Variants in SLC4A3 observed in about 807,000 individuals in gnomAD.
SLC4A3 encodes anion exchange protein 3.
SLC4A3 carries 47 observed loss-of-function variants against 114.2 expected under a neutral mutation model. The observed-to-expected ratio is 0.41, with a 90% CI of 0.33 to 0.52. SLC4A3 has a LOEUF of 0.52. Ranked by LOEUF, SLC4A3 falls within the 20% of genes least tolerant of loss-of-function variation. The probability of loss-of-function intolerance (pLI) is 0.21; values close to 1 mark genes in which losing one functional copy is unlikely to be tolerated. For synonymous variants in SLC4A3, 693 were observed against 710.3 expected (o/e 0.98, Z 0.39); for missense variants, 1,312 against 1,668.3 (o/e 0.79, Z 3.72).
Position 219,629,223 on chromosome 2 carries a change from C to G in SLC4A3, c.297C>G (p.Pro99=). Residue 99 remains proline (P), a synonymous_variant, in exon 4 of 23, where the codon CCC becomes CCG. Transcript: ENST00000358055. ...LPPPHKLRRL[P]PTSARHTRRK... ...CACCCCACAAGCTGCGGCGGCTGCC[C>G]CCCACCTCTGCCCGGCACACCAGGA... The G allele has an allele frequency of 1.2e-6, 2 of 1,613,470 alleles. No homozygotes were observed. Among genetic ancestry groups the G allele is most frequent in the East Asian group, 2.2e-5 (1 of 44,854 alleles).
Position 219,639,524 on chromosome 2 carries a change from C to T in SLC4A3, c.3066C>T (p.Ser1022=), listed in dbSNP as rs376572581. The T allele has an allele frequency of 1.6e-4, 255 of 1,613,974 alleles. 2 individuals are homozygous for T. The highest frequency in any genetic ancestry group is 1.2e-3 in the South Asian group (112 of 91,074). ...AGGCGCGGAGGCTGCTCAAGGGCTC[C>T]GGTTTCCACCTGGACCTGCTCCTCA... ...SQKARRLLKG[S]GFHLDLLLIG... is the part of the protein sequence containing the mutation. The change falls in exon 20 of 23, where the codon TCC becomes TCT. Residue 1022 remains serine (S), a synonymous_variant. Coordinates refer to ENST00000358055, the MANE Select transcript of SLC4A3 (RefSeq NM_005070.4). The surrounding 1 kb of genome is among the most constrained non-coding windows in gnomAD (Gnocchi z 5.9).
rs768613077 is a variant in SLC4A3 at position 219,632,435 on chromosome 2, C to G, written c.1134C>G (p.Ile378Met). 6.3e-7 allele frequency: 1 copy of G among 1,592,204 alleles called. No homozygotes were observed. Among genetic ancestry groups the G allele is most frequent in the South Asian group, 1.2e-5 (1 of 85,958 alleles). Reference sequence around the variant, plus strand: ...GCCTTCTGGAGCTCAGGAGGACCATCGCCCATGGTAGGGACCCCCAGGCCT... The same window carrying G: ...GCCTTCTGGAGCTCAGGAGGACCATGGCCCATGGTAGGGACCCCCAGGCCT... ...FRSLLELRRTIAHGAALLDLE... is the reference protein window; with the variant it reads ...FRSLLELRRTMAHGAALLDLE... Residue 378 changes from isoleucine to methionine, a missense_variant, in exon 8 of 23, where the codon ATC becomes ATG. Transcript: ENST00000358055.
chr2:219,638,900 G>T lies in SLC4A3; in HGVS notation c.3023+31G>T. ...AGAGATGGGAGGAGGAGGTGGGAGG[G>T]ACGAGGCCAAGCTCCTTGGCTCCTT... On this transcript the variant is annotated intron_variant, in intron 19 of 22. Coordinates refer to ENST00000358055, the MANE Select transcript of SLC4A3 (RefSeq NM_005070.4). The surrounding 1 kb of genome is among the most constrained non-coding windows in gnomAD (Gnocchi z 7.5). 6.2e-7 allele frequency: 1 copy of T among 1,608,172 alleles called. No individual in the cohort carries two copies. The highest frequency in any genetic ancestry group is 1.1e-5 in the South Asian group (1 of 90,832).
rs1168754154 is a variant in SLC4A3, at chr2:219,635,712, A to G, written c.2012A>G (p.Glu671Gly). 1 of 1,594,028 alleles carries G rather than the reference A, an allele frequency of 6.3e-7. No individual in the cohort carries two copies. The highest frequency in any genetic ancestry group is 8.5e-7 in the Non-Finnish European group (1 of 1,173,544). ...TTGGGGGGCTCTGAGGCAACCCCTG[A>G]AGATGACCCCTTGCTGCGGACGGGC... ...LELGGSEATP[E>G]DDPLLRTGSV... Residue 671 changes from glutamate to glycine, a missense_variant, in exon 14 of 23, where the codon GAA becomes GGA. Transcript: ENST00000358055.
In SLC4A3 at chr2:219,633,314, A is replaced by C. The variant is rs553031708; in HGVS notation, c.1318A>C (p.Asn440His). The change falls in exon 10 of 23, where the codon AAC (asparagine) becomes CAC (histidine). Residue 440 changes from asparagine to histidine, a missense_variant. Asn to His is a moderately conservative substitution (Grantham distance 68). Around this residue, in one of 4 missense-constraint regions of SLC4A3, gnomAD observed 771 missense variants for 977.7 expected, o/e 0.79. Coordinates refer to ENST00000358055, the MANE Select transcript of SLC4A3 (RefSeq NM_005070.4). The stretch of plus-strand genomic sequence containing the variant: ...CAAGGACAGTGGCTTCTTTCCCCGA[A>C]ACCCATCGAGCTCCAGCATGAACTC... ...DDKDSGFFPR[N>H]PSSSSMNSVL... 3 of 1,595,854 alleles carry C rather than the reference A, an allele frequency of 1.9e-6. No individual in the cohort carries two copies. The highest frequency in any genetic ancestry group is 2.7e-5 in the African/African-American group (2 of 74,532).
At chr2:219,634,719 GCCATGC>G in intron 12 of SLC4A3, 115 bp downstream of exon 12, 4 of 1,128,954 alleles carry the variant, frequency 3.5e-6, no homozygotes, top group Non-Finnish European at 5.0e-6. Flanking sequence ...CTGGGTGGAG[GCCATGC>G]CCTGGAGGGT....
chr2:219,639,790 A>G lies in SLC4A3; in HGVS notation c.3277+55A>G. The G allele has an allele frequency of 6.3e-7, 1 of 1,581,336 alleles. No individual in the cohort carries two copies. The highest frequency in any genetic ancestry group is 8.6e-7 in the Non-Finnish European group (1 of 1,168,492). ...CCTTCCTTGGGCCCCACGGTCTTAC[A>G]TCTTCACTATCCCAGGCTTGACCCT... On this transcript the variant is annotated intron_variant, in intron 20 of 22. Coordinates refer to ENST00000358055, the MANE Select transcript of SLC4A3 (RefSeq NM_005070.4). The surrounding 1 kb of genome is among the most constrained non-coding windows in gnomAD (Gnocchi z 5.9).
chr2:219,635,045 C>T (rs1699067139), intron 12 of SLC4A3, among the ~76,000 whole-genome samples: 1 of 152,186 alleles, frequency 6.6e-6, no homozygotes, highest in African/African-American at 2.4e-5. Context: ...GGAAGTCTGG[C>T]ATCTCCTGGG....
chr2:219,631,404 C>G lies in SLC4A3; in HGVS notation c.812-564C>G. On this transcript the variant is annotated intron_variant, in intron 6 of 22. Transcript: ENST00000358055. The surrounding 1 kb of genome is among the most constrained non-coding windows in gnomAD (Gnocchi z 6.3). The stretch of plus-strand genomic sequence containing the variant: ...TGTGCTGGACTTTGAGGATGGTGAC[C>G]TGTGGGAGTCCATCAGGGGCCAGCT... 1 of 1,304,278 alleles carries G rather than the reference C, an allele frequency of 7.7e-7. No individual in the cohort carries two copies. Among genetic ancestry groups the G allele is most frequent in the South Asian group, 1.2e-5 (1 of 81,026 alleles). The allele number at this position is 1,304,278 out of a possible 1,614,324, so 80.8% of individuals were successfully genotyped here.
chr2:219,629,803 C>T, intron 5 of SLC4A3, 108 bp downstream of exon 5: 2 of 663,364 alleles, frequency 3.0e-6, no homozygotes, highest in Non-Finnish European at 4.8e-6. Context: ...CAGCTCTGAC[C>T]CTGAGAAAAG....
chr2:219,638,740 C>T lies in SLC4A3; in HGVS notation c.2894C>T (p.Pro965Leu). Residue 965 changes from proline (P) to leucine (L), a missense_variant, in exon 19 of 23, where the codon CCC becomes CTC. By Grantham distance (98) the Pro-to-Leu change is moderately conservative. Around this residue, in one of 4 missense-constraint regions of SLC4A3, gnomAD observed 301 missense variants for 460.7 expected, o/e 0.65. Coordinates refer to ENST00000358055, the MANE Select transcript of SLC4A3 (RefSeq NM_005070.4). This position sits in a 1 kb window ranked among gnomAD's most constrained non-coding sequence, Gnocchi z 7.5. ...TVPTGLSVTS[P>L]DKRSWFIPPL... Reference sequence around the variant, plus strand: ...CCTACAGGGCTCTCAGTGACCTCTCCCGATAAGCGCTCGTGGTTCATCCCA... The same window carrying T: ...CCTACAGGGCTCTCAGTGACCTCTCTCGATAAGCGCTCGTGGTTCATCCCA... 1.2e-6 allele frequency: 2 copies of T among 1,614,148 alleles called. No homozygotes were observed. The highest frequency in any genetic ancestry group is 1.7e-6 in the Non-Finnish European group (2 of 1,180,024).
At chr2:219,635,239 C>T in intron 12 of SLC4A3, 32 bp from the exon 13 acceptor site, 1 of 1,591,234 alleles carries the variant, frequency 6.3e-7, no homozygotes, top group Non-Finnish European at 8.6e-7. Flanking sequence ...CTTGGCTGTC[C>T]CTGAGGGTCC....
intron 9 of SLC4A3, 106 bp downstream of exon 9, chr2:219,633,115 CAG>C (rs1410773851): frequency 1.7e-5 from 24 of 1,436,304 alleles, no homozygotes; most frequent in Admixed American, 5.9e-5. Flanking sequence ...CCACAAGTGA[CAG>C]AGAGCTCATT....
intron 12 of SLC4A3, 130 bp from the exon 13 acceptor site, chr2:219,635,141 G>A: frequency 1.4e-6 from 1 of 694,594 alleles, no homozygotes; most frequent in Non-Finnish European, 2.5e-6. Flanking sequence ...AACACTGTTG[G>A]ACTGGCCCAG....
At position 219,635,330 on chromosome 2, in the gene SLC4A3, C is replaced by T. The variant is rs369887732; in HGVS notation, c.1806C>T (p.Ser602=). The T allele has an allele frequency of 1.1e-5, 17 of 1,614,006 alleles. No individual in the cohort carries two copies. The highest frequency in any genetic ancestry group is 1.6e-4 in the Middle Eastern group (1 of 6,084). ...DDRQDLLSAI[S]EFLDGSIVIP... ...GGCAAGACCTCCTAAGTGCCATCAG[C>T]GAGTTCCTGGATGGCAGCATTGTGA... Residue 602 remains serine (S), a synonymous_variant, in exon 13 of 23, where the codon AGC becomes AGT. Coordinates refer to ENST00000358055, the MANE Select transcript of SLC4A3 (RefSeq NM_005070.4).
rs779185460 is a variant in SLC4A3 at position 219,627,950 on chromosome 2, G to A, written c.-43G>A. 2.5e-6 allele frequency: 4 copies of A among 1,583,942 alleles called. No individual in the cohort carries two copies. The South Asian group carries it at 4.5e-5, about 18-fold the overall frequency. ...GCCCCTCCTTCTCACCTGGGTCTCG[G>A]GTCCCCTAGTGAGCGAGAGCGTCCC... On this transcript the variant is annotated 5_prime_UTR_variant, in exon 2 of 23. Transcript: ENST00000358055.
In SLC4A3 at chr2:219,638,364, C is replaced by T. The variant is rs1016056699; in HGVS notation, c.2856+111C>T. 92 of 912,076 alleles carry T rather than the reference C, an allele frequency of 1.0e-4. No individual in the cohort carries two copies. The highest frequency in any genetic ancestry group is 1.3e-4 in the Non-Finnish European group (77 of 583,702). 56.5% of individuals were successfully genotyped at this position (912,076 alleles called of 1,614,324 possible). ...TGGGATCAGGCCTGAACTCAACTTT[C>T]CCAGTGGAGTGGCCGCCCTGGGGGC... On this transcript the variant is annotated intron_variant, in intron 18 of 22. Coordinates refer to ENST00000358055, the MANE Select transcript of SLC4A3 (RefSeq NM_005070.4). This position sits in a 1 kb window ranked among gnomAD's most constrained non-coding sequence, Gnocchi z 7.5.
Position 219,632,992 on chromosome 2 carries a change from C to T in SLC4A3, c.1260C>T (p.Thr420=), listed in dbSNP as rs770803610. ...AGGACAGGGCCAGCGTCCTACGTAC[C>T]CTGCTACTGAAGCACAGGTGCCGGG... The part of the protein sequence containing the change: ...RPEDRASVLR[T]LLLKHSHPND... Residue 420 remains threonine, a synonymous_variant, in exon 9 of 23, where the codon ACC becomes ACT. Coordinates refer to ENST00000358055, the MANE Select transcript of SLC4A3 (RefSeq NM_005070.4). 29 of 1,613,906 alleles carry T rather than the reference C, an allele frequency of 1.8e-5. No individual in the cohort carries two copies. Among genetic ancestry groups the T allele is most frequent in the Non-Finnish European group, 2.5e-5 (29 of 1,180,010 alleles).
chr2:219,635,373 G>A lies in SLC4A3; in HGVS notation c.1849G>A (p.Glu617Lys). Residue 617 changes from glutamate (E) to lysine (K), a missense_variant, in exon 13 of 23, where the codon GAG becomes AAG. This residue lies in a region of SLC4A3 where 771 missense variants were observed against 977.7 expected (regional missense o/e 0.79). Coordinates refer to ENST00000358055, the MANE Select transcript of SLC4A3 (RefSeq NM_005070.4). ...CATTGTGATCCCCCCGTCCGAGGTGGAGGGCCGTGACCTGCTGCGCTCCGT... is the reference window on the plus strand; with the variant it reads ...CATTGTGATCCCCCCGTCCGAGGTGAAGGGCCGTGACCTGCTGCGCTCCGT... ...GSIVIPPSEV[E>K]GRDLLRSVAA... is the part of the protein sequence containing the mutation. The A allele has an allele frequency of 6.2e-7, 1 of 1,614,190 alleles. No individual in the cohort carries two copies. Among genetic ancestry groups the A allele is most frequent in the Non-Finnish European group, 8.5e-7 (1 of 1,180,028 alleles).
Sources: gnomAD v4.1 joint callset for allele counts (sites outside exome capture counted in the v4.1 genomes callset) on GRCh38, gnomAD v4.1.1 for gene constraint, gnomAD v4.1.1 regional missense constraint, Gnocchi (gnomAD v3.1) non-coding constraint, MANE v1.5 for transcripts, NCBI Gene and HGNC (gene_info 2026-07-23, HGNC 2026-07-21) for gene names.